Variants in NAV3 observed in about 807,000 individuals in gnomAD.
The protein encoded by NAV3 is pore membrane and/or filament interacting like protein 1.
Under a neutral mutation model 244.7 loss-of-function variants are expected in NAV3, and 87 were observed. That is an observed-to-expected ratio of 0.36 (90% confidence interval 0.30 to 0.42). The LOEUF (loss-of-function observed/expected upper bound fraction) is 0.42, where lower values mean the gene tolerates loss of function less well. Ranked by LOEUF, NAV3 falls within the 20% of genes least tolerant of loss-of-function variation. The probability of loss-of-function intolerance (pLI) is 1.00; values close to 1 mark genes in which losing one functional copy is unlikely to be tolerated. For missense variants in NAV3, 2,663 were observed against 2,893.3 expected, an observed-to-expected ratio of 0.92 and a Z score of 1.83; for synonymous variants, 1,126 against 1,042.2, an observed-to-expected ratio of 1.08 and a Z score of -1.55.
chr12:78,126,554 G>A (rs1955913659), intron 16 of NAV3, among the ~76,000 whole-genome samples: 1 of 152,004 alleles, frequency 6.6e-6, no homozygotes. Flanking sequence ...AAAATTTATA[G>A]CCTTTTAAAT....
At chr12:77,772,497 C>G (rs1165790422) in intron 2 of NAV3, among the ~76,000 whole-genome samples, 1 of 152,086 alleles carries the variant, frequency 6.6e-6, no homozygotes, top group Admixed American at 6.6e-5. Context: ...CATGCTAAGA[C>G]TTATGATAAA....
At chr12:78,080,239 G>A (rs1445271517) in intron 12 of NAV3, among the ~76,000 whole-genome samples, 2 of 152,106 alleles carry the variant, frequency 1.3e-5, no homozygotes, top group Admixed American at 1.3e-4. Context: ...AAAGTACCAA[G>A]GGCCAGTAGA....
At chr12:77,747,767 G>C (rs1868628423) in intron 2 of NAV3, among the ~76,000 whole-genome samples, 1 of 152,060 alleles carries the variant, frequency 6.6e-6, no homozygotes, top group Non-Finnish European at 1.5e-5. Flanking sequence ...ATCATTCTCA[G>C]CAAACTATTG....
intron 25 of NAV3, 99 bp downstream of exon 25, chr12:78,175,526 G>A (rs1958183276): frequency 3.4e-6 from 5 of 1,463,146 alleles, no homozygotes; most frequent in Non-Finnish European, 3.7e-6. Context: ...GTTTACAAAG[G>A]GTCCCATTCA....
intron 12 of NAV3, among the ~76,000 whole-genome samples, chr12:78,092,989 C>A (rs995816820): frequency 6.6e-6 from 1 of 152,136 alleles, no homozygotes; most frequent in Non-Finnish European, 1.5e-5. Flanking sequence ...GGGAAACACG[C>A]CAAACCATGT....
chr12:77,754,578 G>A (rs139572352), intron 2 of NAV3, among the ~76,000 whole-genome samples: 12 of 152,284 alleles, frequency 7.9e-5, no homozygotes, highest in South Asian at 4.1e-4. Context: ...ATTCTTACCC[G>A]TTAAAACTTG....
intron 2 of NAV3, among the ~76,000 whole-genome samples, chr12:77,662,251 A>ATCTATCTATCTG (rs1873493413): frequency 6.6e-6 from 1 of 151,432 alleles, no homozygotes; most frequent in South Asian, 2.1e-4. Flanking sequence ...CTATCTATCT[A>ATCTATCTATCTG]TCTATCTATC....
At chr12:78,129,832 T>C (rs1956085596) in intron 18 of NAV3, among the ~76,000 whole-genome samples, 1 of 152,122 alleles carries the variant, frequency 6.6e-6, no homozygotes, top group South Asian at 2.1e-4. Context: ...ACAAGAAATT[T>C]CACTTTATAA....
Position 77,855,058 on chromosome 12 carries a change from C to T in NAV3, c.243+23354C>T, listed in dbSNP as rs539322896. Among the ~76,000 whole-genome samples the T allele has an allele frequency of 3.9e-4, 60 of 152,204 alleles. No homozygotes were observed. The South Asian group carries it at 0.012, about 30-fold the overall frequency. On this transcript the variant is annotated intron_variant, in intron 1 of 39. Transcript: ENST00000397909. ...AGGAGAATGGCCTGAACCCAGGAGG[C>T]GGAGCTTGCAGTGAGCTGAGATCGC...
intron 2 of NAV3, among the ~76,000 whole-genome samples, chr12:77,677,808 G>A (rs1037584986): frequency 2.0e-5 from 3 of 152,122 alleles, no homozygotes; most frequent in East Asian, 1.9e-4. Context: ...ACCTACTAAT[G>A]TAACAAATAC....
At chr12:77,954,908 C>A (rs892494934) in intron 3 of NAV3, among the ~76,000 whole-genome samples, 9 of 152,030 alleles carry the variant, frequency 5.9e-5, no homozygotes, top group African/African-American at 1.9e-4. Flanking sequence ...TGGATGTATT[C>A]ATTGCAATAC....
intron 3 of NAV3, among the ~76,000 whole-genome samples, chr12:77,962,049 C>T (rs575818330): frequency 2.0e-5 from 3 of 152,128 alleles, no homozygotes; most frequent in Non-Finnish European, 4.4e-5. Flanking sequence ...TTTGATAGAG[C>T]TCATCTTTCC....
intron 1 of NAV3, among the ~76,000 whole-genome samples, chr12:77,892,867 A>T (rs1884110632): frequency 6.6e-6 from 1 of 152,184 alleles, no homozygotes; most frequent in Non-Finnish European, 1.5e-5. Flanking sequence ...CCTGGTAAAA[A>T]GTGATAAATT....
At chr12:77,987,317 A>T (rs910261497) in intron 5 of NAV3, among the ~76,000 whole-genome samples, 3 of 152,222 alleles carry the variant, frequency 2.0e-5, no homozygotes, top group African/African-American at 7.2e-5. Context: ...TTCAAATTTC[A>T]GCACTTTAAT....
At chr12:77,973,398 T>C (rs952031411) in intron 5 of NAV3, among the ~76,000 whole-genome samples, 2 of 152,198 alleles carry the variant, frequency 1.3e-5, no homozygotes, top group South Asian at 4.1e-4. Context: ...TGAAAGTTTA[T>C]GATCTCTGCA....
chr12:77,882,530 T>C (rs1882782848), intron 1 of NAV3, among the ~76,000 whole-genome samples: 1 of 152,092 alleles, frequency 6.6e-6, no homozygotes, highest in South Asian at 2.1e-4. Flanking sequence ...TATAAGAATT[T>C]CTGGCTAAGT....
intron 2 of NAV3, among the ~76,000 whole-genome samples, chr12:77,744,587 A>G (rs765420838): frequency 2.6e-5 from 4 of 151,952 alleles, no homozygotes; most frequent in Non-Finnish European, 5.9e-5. Context: ...GGGGTAAACT[A>G]GAAAACTCAT....
Position 78,007,240 on chromosome 12 carries a change from C to A in NAV3, c.1702C>A (p.Pro568Thr), listed in dbSNP as rs770714306. 1 of 1,614,176 alleles carries A rather than the reference C, an allele frequency of 6.2e-7. No homozygotes were observed. Among genetic ancestry groups the A allele is most frequent in the Non-Finnish European group, 8.5e-7 (1 of 1,180,032 alleles). ...GAGCCCTTCCCAGTCCTTATCTAAG[C>A]CTATAACCATGGAGAAAGCAAGTGC... ...KGSPSQSLSK[P>T]ITMEKASASS... Residue 568 changes from proline (P) to threonine (T), a missense_variant, in exon 8 of 40, where the codon CCT becomes ACT. Physicochemically the swap from Pro to Thr is conservative, Grantham distance 38. Coordinates refer to ENST00000397909, the MANE Select transcript of NAV3 (RefSeq NM_001024383.2).
chr12:77,940,348 A>G lies in NAV3; in HGVS notation c.273A>G (p.Leu91=). 3 of 1,613,880 alleles carry G rather than the reference A, an allele frequency of 1.9e-6. No homozygotes were observed. Among genetic ancestry groups the G allele is most frequent in the Non-Finnish European group, 2.5e-6 (3 of 1,179,834 alleles). Residue 91 remains leucine, a synonymous_variant, in exon 2 of 40, where the codon CTA becomes CTG. Transcript: ENST00000397909. ...KIYTDWANHY[L]AKSGHKRLIK... is the part of the protein sequence containing the mutation. ...ACACTGACTGGGCCAACCACTACCT[A>G]GCAAAATCAGGCCACAAGCGGCTGA...
Sources: allele counts gnomAD v4.1 joint callset (sites outside exome capture counted in the v4.1 genomes callset), GRCh38; gene constraint gnomAD v4.1.1; transcripts MANE v1.5; gene names NCBI Gene and HGNC (gene_info 2026-07-23, HGNC 2026-07-21).